Variants in CD300LF observed in about 807,000 individuals in gnomAD.
CD300LF encodes CD300 molecule like family member f, also known as CMRF35-like molecule 1.
A neutral mutation model predicts 32.2 loss-of-function variants in CD300LF; 27 were observed. The ratio of observed to expected loss-of-function variants is 0.84; its 90% CI spans 0.62 to 1.15. The LOEUF is 1.15. CD300LF is among the 50% of genes most tolerant of loss of function. CD300LF has a pLI of 0.00. For synonymous variants in CD300LF, 139 were observed against 143.2 expected, an observed-to-expected ratio of 0.97 and a Z score of 0.21; for missense variants, 348 against 356.8, an observed-to-expected ratio of 0.98 and a Z score of 0.20.
chr17:74,700,476 T>G (rs2032947170), intron 3 of CD300LF, among the ~76,000 whole-genome samples: 1 of 151,968 alleles, frequency 6.6e-6, no homozygotes, highest in South Asian at 2.1e-4. Context: ...CGCGGTGGCT[T>G]ACACCTGTAA....
rs372170968 is a variant in CD300LF, at chr17:74,712,817, C to T, written c.43+7G>A. The T allele has an allele frequency of 5.1e-5, 83 of 1,613,844 alleles. No homozygotes were observed. The highest frequency in any genetic ancestry group is 1.4e-4 in the South Asian group (13 of 91,082). ...TTCCCCAAGAAGACAGACCCAGGCC[C>T]GCTCACCTGAGAGCCAGAAGAGGAG... On this transcript the variant is annotated splice_region_variant and intron_variant, in intron 1 of 6. Coordinates refer to ENST00000326165, the MANE Select transcript of CD300LF (RefSeq NM_139018.5).
At chr17:74,705,292 T>C (rs1445381464) in intron 1 of CD300LF, 3 of 696,340 alleles carry the variant, frequency 4.3e-6, no homozygotes, top group African/African-American at 3.5e-5. Flanking sequence ...GTGGTCCTAA[T>C]GATTTCTAGT....
chr17:74,703,696 T>G (rs927341262), intron 2 of CD300LF, among the ~76,000 whole-genome samples: 2 of 152,174 alleles, frequency 1.3e-5, no homozygotes, highest in East Asian at 3.9e-4. Context: ...AACTAGAATA[T>G]GCCCCAGAGG....
chr17:74,701,462 TAATA>T (rs1167942371), intron 3 of CD300LF, among the ~76,000 whole-genome samples: 1 of 152,190 alleles, frequency 6.6e-6, no homozygotes, highest in Non-Finnish European at 1.5e-5. Context: ...ATTCATAAAA[TAATA>T]AATAAATAAA....
chr17:74,696,383 C>T (rs2032478491), intron 4 of CD300LF, among the ~76,000 whole-genome samples, 166 bp from the exon 5 acceptor site: 1 of 152,194 alleles, frequency 6.6e-6, no homozygotes, highest in Admixed American at 6.5e-5. Context: ...CAGTCTGTGA[C>T]ATTCGTCATG....
At chr17:74,700,069 G>C (rs751793053) in intron 3 of CD300LF, among the ~76,000 whole-genome samples, 3 of 151,988 alleles carry the variant, frequency 2.0e-5, no homozygotes, top group Non-Finnish European at 4.4e-5. Flanking sequence ...TTGAACCCAG[G>C]AGGCGGAGGT....
Position 74,707,044 on chromosome 17 carries a change from C to T in CD300LF, c.44-2228G>A, listed in dbSNP as rs570858326. 7.9e-5 allele frequency among the ~76,000 whole-genome samples: 12 copies of T among 152,228 alleles called. No individual in the cohort carries two copies. The East Asian group carries it at 2.3e-3, about 29-fold the overall frequency. On this transcript the variant is annotated intron_variant, in intron 1 of 6. Transcript: ENST00000326165. Reference sequence around the variant, plus strand: ...AAACTTAAATCTCTCAGAAGAAAACCTAATGGAAAAGCTCCACAACATTGG... The same window carrying T: ...AAACTTAAATCTCTCAGAAGAAAACTTAATGGAAAAGCTCCACAACATTGG...
chr17:74,699,666 T>TG (rs1292859172), intron 3 of CD300LF, among the ~76,000 whole-genome samples: 4 of 152,132 alleles, frequency 2.6e-5, no homozygotes, highest in Admixed American at 6.6e-5. Context: ...GCAACAGCCC[T>TG]GGTGACACCT....
intron 6 of CD300LF, 145 bp from the exon 7 acceptor site, chr17:74,695,396 G>C (rs1199068999): frequency 1.0e-6 from 1 of 986,610 alleles, no homozygotes; most frequent in African/African-American, 1.6e-5. Flanking sequence ...CCTTCACTCT[G>C]CCAAGCACCC....
At chr17:74,699,028 T>C (rs2384955) in intron 3 of CD300LF, among the ~76,000 whole-genome samples, 106,609 of 151,896 alleles carry the variant, frequency 0.7, 40,367 homozygotes, top group Middle Eastern at 0.87. Flanking sequence ...AAGAGATTCT[T>C]CTGCCTCAGC....
intron 3 of CD300LF, among the ~76,000 whole-genome samples, chr17:74,701,828 C>A (rs1220702210): frequency 3.9e-5 from 5 of 127,232 alleles, no homozygotes; most frequent in African/African-American, 1.2e-4. Context: ...CCAACCTGGG[C>A]AACAGAGTGA....
Position 74,695,727 on chromosome 17 carries a change from T to A in CD300LF, c.715A>T (p.Met239Leu), listed in dbSNP as rs1211255563. The change falls in exon 6 of 7, where the codon ATG becomes TTG. Residue 239 changes from methionine (M) to leucine (L), a missense_variant and splice_region_variant. Physicochemically the swap from Met to Leu is conservative, Grantham distance 15. Coordinates refer to ENST00000326165, the MANE Select transcript of CD300LF (RefSeq NM_139018.5). ...VDQVEVEYVTMASLPKEDISY... is the reference protein window; with the variant it reads ...VDQVEVEYVTLASLPKEDISY... ...AGCAGCCCCCATGGAGGACGCACCA[T>A]GGTGACATATTCCACTTCCACCTGG... The A allele has an allele frequency of 6.2e-7, 1 of 1,613,960 alleles. No homozygotes were observed. The highest frequency in any genetic ancestry group is 2.2e-5 in the East Asian group (1 of 44,874).
At chr17:74,701,456 A>G (rs2033042710) in intron 3 of CD300LF, among the ~76,000 whole-genome samples, 1 of 152,242 alleles carries the variant, frequency 6.6e-6, no homozygotes, top group African/African-American at 2.4e-5. Flanking sequence ...GCTTCGATTC[A>G]TAAAATAATA....
In CD300LF at chr17:74,703,447, T is replaced by A. The variant is rs139944384; in HGVS notation, c.383-349A>T. Among the ~76,000 whole-genome samples, 10 of 152,158 alleles carry A rather than the reference T, an allele frequency of 6.6e-5. No homozygotes were observed. The East Asian group carries it at 1.9e-3, about 29-fold the overall frequency. ...TTGAGCAACCTGCTGCTTATGACAG[T>A]GCCTTGGTCAATCTCCACCCCCAGC... On this transcript the variant is annotated intron_variant, in intron 2 of 6. Transcript: ENST00000326165.
At chr17:74,704,859 G>T (rs1246953499) in intron 1 of CD300LF, 43 bp from the exon 2 acceptor site, 1 of 1,487,294 alleles carries the variant, frequency 6.7e-7, no homozygotes, top group African/African-American at 1.4e-5. Flanking sequence ...CCACCCCAAG[G>T]GCAGGGCCAC....
intron 1 of CD300LF, among the ~76,000 whole-genome samples, chr17:74,708,277 T>C (rs1254163360): frequency 6.6e-6 from 1 of 152,128 alleles, no homozygotes; most frequent in African/African-American, 2.4e-5. Context: ...AAATCCCTTG[T>C]TTAAAACTTC....
intron 1 of CD300LF, among the ~76,000 whole-genome samples, chr17:74,706,892 A>G (rs1177812638): frequency 6.6e-6 from 1 of 152,216 alleles, no homozygotes; most frequent in African/African-American, 2.4e-5. Context: ...TGGGGAAAGG[A>G]CAGTCTCTTC....
intron 4 of CD300LF, 149 bp downstream of exon 4, chr17:74,698,220 G>A (rs777383542): frequency 3.2e-5 from 21 of 647,038 alleles, no homozygotes; most frequent in Middle Eastern, 4.2e-4. Context: ...GGCGCCCCCC[G>A]GTCCCCTGGC....
At chr17:74,708,209 C>T (rs2033671645) in intron 1 of CD300LF, among the ~76,000 whole-genome samples, 1 of 150,758 alleles carries the variant, frequency 6.6e-6, no homozygotes, top group Admixed American at 6.6e-5. Flanking sequence ...ATGCTAAAAT[C>T]AGCACAAAAT....
Sources: gnomAD v4.1 joint callset for allele counts (sites outside exome capture counted in the v4.1 genomes callset) on GRCh38, gnomAD v4.1.1 for gene constraint, MANE v1.5 for transcripts, NCBI Gene and HGNC (gene_info 2026-07-23, HGNC 2026-07-21) for gene names.